LPP: variants seen among roughly 807,000 people sequenced by gnomAD.
LPP encodes the protein lipoma-preferred partner.
In LPP, 38 loss-of-function variants were observed where a neutral mutation model predicts 60.4. That is an observed-to-expected ratio of 0.63 (90% CI 0.49 to 0.83). The LOEUF is 0.83. LPP is among the 40% of genes least tolerant of loss of function. LPP has a pLI of 0.00. For synonymous variants in LPP, 328 were observed against 290.8 expected (o/e 1.13, Z -1.30); for missense variants, 902 against 783.6 (o/e 1.15, Z -1.80).
At chr3:188,599,480 A>G (rs2151193053) in intron 6 of LPP, among the ~76,000 whole-genome samples, 1 of 152,220 alleles carries the variant, frequency 6.6e-6, no homozygotes, top group East Asian at 1.9e-4. Flanking sequence ...TGGGGTCTCT[A>G]GAAGTCCAGG....
rs1192152538 is a variant in LPP, at chr3:188,495,064, T to TTATA, written c.306+10376_306+10379dup. Among the ~76,000 whole-genome samples, 108 of 53,874 alleles carry TTATA rather than the reference T, an allele frequency of 2.0e-3. 9 individuals carry two copies. In the South Asian group the frequency reaches 0.025, roughly 13 times the overall value. 35.3% of individuals were successfully genotyped at this position (53,874 alleles called of 152,430 possible). ...CCTTGCTATTATAAGGTTCAGGATT[T>TTATA]TATATATATATATATATATTTTATT... On this transcript the variant is annotated intron_variant, in intron 5 of 11. Transcript: ENST00000617246.
chr3:188,600,383 T>C (rs534703138), intron 6 of LPP, among the ~76,000 whole-genome samples: 1 of 151,226 alleles, frequency 6.6e-6, no homozygotes, highest in Non-Finnish European at 1.5e-5. Flanking sequence ...AAATAACCAA[T>C]GTTATCAGTT....
intron 3 of LPP, among the ~76,000 whole-genome samples, chr3:188,400,555 T>C (rs1011838280): frequency 6.6e-6 from 1 of 152,036 alleles, no homozygotes; most frequent in African/African-American, 2.4e-5. Context: ...AGCAGAGGAG[T>C]TGATAAGTGA....
At chr3:188,510,766 T>C (rs1263871154) in intron 5 of LPP, among the ~76,000 whole-genome samples, 1 of 152,238 alleles carries the variant, frequency 6.6e-6, no homozygotes, top group Non-Finnish European at 1.5e-5. Context: ...CAGAGTTCCT[T>C]CTATATCTTT....
intron 4 of LPP, among the ~76,000 whole-genome samples, chr3:188,474,602 G>A (rs1015940673): frequency 1.4e-4 from 21 of 152,330 alleles, no homozygotes; most frequent in African/African-American, 4.8e-4. Context: ...GGGAAAGGAT[G>A]TTTTTGGACT....
At chr3:188,800,671 T>A (rs1300216556) in intron 9 of LPP, among the ~76,000 whole-genome samples, 1 of 152,198 alleles carries the variant, frequency 6.6e-6, no homozygotes, top group African/African-American at 2.4e-5. Context: ...TTCAATGGTA[T>A]GTAAGAATGC....
At chr3:188,303,150 A>G (rs1309431014) in intron 2 of LPP, among the ~76,000 whole-genome samples, 2 of 152,226 alleles carry the variant, frequency 1.3e-5, no homozygotes, top group South Asian at 2.1e-4. Flanking sequence ...TTTGTGGTCC[A>G]TAAGGTGTCT....
chr3:188,666,916 G>C (rs1855907368), intron 7 of LPP, among the ~76,000 whole-genome samples: 1 of 152,142 alleles, frequency 6.6e-6, no homozygotes. Context: ...CCTTAGAGGA[G>C]GCCACTATAT....
chr3:188,843,786 C>CAA (rs544161994), intron 9 of LPP, among the ~76,000 whole-genome samples: 1 of 75,732 alleles, frequency 1.3e-5, no homozygotes, highest in Non-Finnish European at 2.6e-5. Flanking sequence ...GACTCCGTCT[C>CAA]AAAAAAAAAA....
chr3:188,497,892 G>A lies in LPP; in HGVS notation c.306+13188G>A, dbSNP rs563833461. Among the ~76,000 whole-genome samples the A allele has an allele frequency of 2.0e-3, 307 of 152,114 alleles. 2 individuals are homozygous for A. The highest frequency in any genetic ancestry group is 7.2e-3 in the African/African-American group (298 of 41,484). On this transcript the variant is annotated intron_variant, in intron 5 of 11. Transcript: ENST00000617246. ...GGGATAGAAACCAGTTTTGGGCCAC[G>A]GCAACTATATAGAAGTATTTTCATA...
At chr3:188,684,021 T>C (rs951625448) in intron 7 of LPP, among the ~76,000 whole-genome samples, 3 of 152,228 alleles carry the variant, frequency 2.0e-5, no homozygotes, top group Non-Finnish European at 4.4e-5. Context: ...GAGAACTTTG[T>C]GTTATTTTTC....
intron 9 of LPP, among the ~76,000 whole-genome samples, chr3:188,844,196 C>A (rs1760865082): frequency 6.6e-6 from 1 of 152,172 alleles, no homozygotes; most frequent in African/African-American, 2.4e-5. Flanking sequence ...AAACTGTTGA[C>A]TTATTTTCTT....
chr3:188,420,337 A>G (rs918609315), intron 4 of LPP, among the ~76,000 whole-genome samples: 2 of 152,180 alleles, frequency 1.3e-5, no homozygotes, highest in African/African-American at 4.8e-5. Context: ...TGTTTATATT[A>G]TCTCTTTGAA....
At chr3:188,422,833 C>A (rs1205350475) in intron 4 of LPP, among the ~76,000 whole-genome samples, 1 of 150,580 alleles carries the variant, frequency 6.6e-6, no homozygotes, top group Non-Finnish European at 1.5e-5. Context: ...AACCTATATG[C>A]GTTTCTCTTT....
chr3:188,796,451 G>C (rs1261400278), intron 9 of LPP, among the ~76,000 whole-genome samples: 3 of 152,118 alleles, frequency 2.0e-5, no homozygotes, highest in Admixed American at 2.0e-4. Flanking sequence ...TCCATTACAG[G>C]CTTTTCCTGA....
intron 3 of LPP, among the ~76,000 whole-genome samples, chr3:188,379,041 A>C (rs921074389): frequency 6.6e-6 from 1 of 151,428 alleles, no homozygotes; most frequent in African/African-American, 2.4e-5. Flanking sequence ...AGTGGGGCTG[A>C]AGTCCTGCCC....
rs569294032 is a variant in LPP at position 188,282,345 on chromosome 3, T to C, written c.-67+56818T>C. Among the ~76,000 whole-genome samples the C allele has an allele frequency of 5.9e-5, 9 of 152,246 alleles. No homozygotes were observed. In the South Asian group the frequency reaches 1.7e-3, roughly 28 times the overall value. Reference sequence around the variant, plus strand: ...TTGCTTTGTATTTAATACTGGAGGTTGTGATAACATTGTCCAGCTTCAGGA... The same window carrying C: ...TTGCTTTGTATTTAATACTGGAGGTCGTGATAACATTGTCCAGCTTCAGGA... On this transcript the variant is annotated intron_variant, in intron 2 of 11. Coordinates refer to ENST00000617246, the MANE Select transcript of LPP (RefSeq NM_001375462.1).
intron 7 of LPP, among the ~76,000 whole-genome samples, chr3:188,630,855 G>C (rs144911988): frequency 6.6e-6 from 1 of 152,150 alleles, no homozygotes; most frequent in South Asian, 2.1e-4. Flanking sequence ...TGAAAAGAGC[G>C]AGATCATGTC....
At chr3:188,306,393 A>G (rs1272532042) in intron 2 of LPP, among the ~76,000 whole-genome samples, 1 of 152,032 alleles carries the variant, frequency 6.6e-6, no homozygotes, top group Non-Finnish European at 1.5e-5. Flanking sequence ...CTGGCCTGAA[A>G]ATTGTGATCA....
Sources: gnomAD v4.1 joint callset for allele counts (sites outside exome capture counted in the v4.1 genomes callset) on GRCh38, gnomAD v4.1.1 for gene constraint, MANE v1.5 for transcripts, NCBI Gene and HGNC (gene_info 2026-07-23, HGNC 2026-07-21) for gene names.